The following PTGIS variants were observed in gnomAD, a reference collection of about 807,000 sequenced individuals.
The protein encoded by PTGIS is prostaglandin I2 synthase, also known as prostacyclin synthase.
In PTGIS, 45 loss-of-function variants were observed where a neutral mutation model predicts 50.3. That is an observed-to-expected ratio of 0.90 (90% CI 0.70 to 1.15). The LOEUF is 1.15. PTGIS is among the 50% of genes most tolerant of loss of function. The pLI is 0.00. For missense variants in PTGIS, 668 were observed against 661.3 expected (o/e 1.01, Z -0.11); for synonymous variants, 260 against 267.7 (o/e 0.97, Z 0.28).
chr20:49,550,034 C>T (rs1982464503), intron 2 of PTGIS, 32 bp downstream of exon 2: 1 of 1,613,884 alleles, frequency 6.2e-7, no homozygotes, highest in Admixed American at 1.7e-5. Context: ...GCTGCTCATC[C>T]CCATCCCTCC....
At chr20:49,518,492 C>A (rs1367199919) in intron 6 of PTGIS, among the ~76,000 whole-genome samples, 1 of 152,126 alleles carries the variant, frequency 6.6e-6, no homozygotes, top group Non-Finnish European at 1.5e-5. Context: ...AAAGTATAGA[C>A]TTTAGTTACT....
chr20:49,527,527 CAGAAAGTAGAAT>C (rs1189987654), intron 5 of PTGIS, among the ~76,000 whole-genome samples: 2 of 151,774 alleles, frequency 1.3e-5, no homozygotes, highest in Non-Finnish European at 2.9e-5. Flanking sequence ...TACTATTCGA[CAGAAAGTAGAAT>C]AGAAAGTAGA....
Position 49,548,735 on chromosome 20 carries a change from GAGGA to G in PTGIS, c.199-720_199-717del, listed in dbSNP as rs373808633. 3.5e-3 allele frequency among the ~76,000 whole-genome samples: 523 copies of G among 151,484 alleles called. 2 individuals carry two copies. The highest frequency in any genetic ancestry group is 0.011 in the African/African-American group (468 of 41,276). ...AATGGAAGGAAGGAAGGAAGGGAGGGAGGAAGGAAGGAAGGAAGGAAGGAAATTG... is the reference window on the plus strand; with the variant it reads ...AATGGAAGGAAGGAAGGAAGGGAGGGAGGAAGGAAGGAAGGAAGGAAATTG... On this transcript the variant is annotated intron_variant, in intron 2 of 9. Transcript: ENST00000244043.
At chr20:49,549,981 G>A in intron 2 of PTGIS, 85 bp downstream of exon 2, 1 of 1,605,600 alleles carries the variant, frequency 6.2e-7, no homozygotes, top group Middle Eastern at 1.7e-4. Flanking sequence ...TTGGCATAGG[G>A]ACATATGTTG....
At chr20:49,530,818 G>A (rs1359784026) in intron 5 of PTGIS, among the ~76,000 whole-genome samples, 1 of 152,152 alleles carries the variant, frequency 6.6e-6, no homozygotes, top group Non-Finnish European at 1.5e-5. Flanking sequence ...GGAGTGCAGT[G>A]GCGTGATCTC....
At chr20:49,564,617 T>TA (rs1170189344) in intron 1 of PTGIS, among the ~76,000 whole-genome samples, 2 of 152,216 alleles carry the variant, frequency 1.3e-5, no homozygotes, top group Non-Finnish European at 2.9e-5. Context: ...TGGGGCTTCT[T>TA]ACCGTATTCT....
intron 4 of PTGIS, among the ~76,000 whole-genome samples, chr20:49,541,721 G>A (rs1409651251): frequency 2.0e-5 from 3 of 152,056 alleles, no homozygotes; most frequent in African/African-American, 7.2e-5. Context: ...GCGAAAGAGC[G>A]AAACTTTGTC....
chr20:49,539,677 G>A lies in PTGIS; in HGVS notation c.566C>T (p.Thr189Ile). Residue 189 changes from threonine (T) to isoleucine (I), a missense_variant, in exon 5 of 10, where the codon ACC becomes ATC. Coordinates refer to ENST00000244043, the MANE Select transcript of PTGIS (RefSeq NM_000961.4). Reference sequence around the variant, plus strand: ...GCGGTCCTGGGCCTGGCTTTCATGGGTGCGTGGCAGCGCCTCAATTCCGTA... The same window carrying A: ...GCGGTCCTGGGCCTGGCTTTCATGGATGCGTGGCAGCGCCTCAATTCCGTA... The part of the protein sequence containing the change: ...TLYGIEALPR[T>I]HESQAQDRVH... 6.2e-7 allele frequency: 1 copy of A among 1,613,776 alleles called. No homozygotes were observed.
intron 5 of PTGIS, among the ~76,000 whole-genome samples, chr20:49,529,338 G>A (rs78064204): frequency 0.016 from 2,440 of 152,090 alleles, 54 homozygotes; most frequent in African/African-American, 0.05. Context: ...TAGCTCCCAC[G>A]TATAAATGAC....
intron 5 of PTGIS, among the ~76,000 whole-genome samples, chr20:49,536,454 T>TTTTCTTTCTTTCTTTCTTTC (rs1159152340): frequency 5.6e-5 from 8 of 142,282 alleles, no homozygotes; most frequent in African/African-American, 2.1e-4. Flanking sequence ...TCTTTTTTTC[T>TTTTCTTTCTTTCTTTCTTTC]TTTCTTTCTT....
intron 5 of PTGIS, among the ~76,000 whole-genome samples, chr20:49,537,864 G>C (rs1041988052): frequency 1.3e-5 from 2 of 152,140 alleles, no homozygotes; most frequent in Admixed American, 6.6e-5. Flanking sequence ...CTTCCTAACA[G>C]CTCCAAATGG....
At chr20:49,527,022 A>G (rs937392914) in intron 5 of PTGIS, among the ~76,000 whole-genome samples, 10 of 152,230 alleles carry the variant, frequency 6.6e-5, no homozygotes, top group Non-Finnish European at 1.2e-4. Flanking sequence ...CTCGTGCACC[A>G]ATGTTCATAG....
intron 1 of PTGIS, among the ~76,000 whole-genome samples, chr20:49,565,148 A>AT (rs60427465): frequency 4.8e-5 from 7 of 146,072 alleles, no homozygotes; most frequent in Middle Eastern, 6.4e-3. Flanking sequence ...TTTTTTTTGT[A>AT]TTTTTTTTTT....
At chr20:49,518,764 G>A (rs1981565377) in intron 6 of PTGIS, among the ~76,000 whole-genome samples, 1 of 152,144 alleles carries the variant, frequency 6.6e-6, no homozygotes, top group South Asian at 2.1e-4. Flanking sequence ...GCAGAGGTGA[G>A]ATTCCACCCG....
intron 4 of PTGIS, 118 bp downstream of exon 4, chr20:49,544,187 T>C: frequency 2.2e-6 from 3 of 1,350,372 alleles, no homozygotes; most frequent in Non-Finnish European, 3.1e-6. Flanking sequence ...TTGCTTTGGG[T>C]GTCTCAAATT....
chr20:49,510,244 G>A (rs1053592117), intron 9 of PTGIS, among the ~76,000 whole-genome samples: 41 of 152,032 alleles, frequency 2.7e-4, no homozygotes, highest in African/African-American at 9.7e-4. Context: ...GCTGTATTAT[G>A]TTCATAATTG....
At chr20:49,555,283 GA>G (rs1982601128) in intron 1 of PTGIS, among the ~76,000 whole-genome samples, 1 of 148,066 alleles carries the variant, frequency 6.8e-6, no homozygotes, top group African/African-American at 2.5e-5. Context: ...AAAAAAAAAA[GA>G]ATAAAGGTTT....
chr20:49,520,114 C>A (rs903845607), intron 6 of PTGIS, among the ~76,000 whole-genome samples: 1 of 152,218 alleles, frequency 6.6e-6, no homozygotes, highest in Non-Finnish European at 1.5e-5. Flanking sequence ...CCTACAGGGA[C>A]CTGTGTGGTC....
chr20:49,520,520 G>A (rs748955762), intron 6 of PTGIS, among the ~76,000 whole-genome samples: 19 of 152,028 alleles, frequency 1.2e-4, no homozygotes, highest in Non-Finnish European at 2.5e-4. Context: ...TTTTAGTAGA[G>A]TCAGGGTTTC....
Sources: gnomAD v4.1 joint callset for allele counts (sites outside exome capture counted in the v4.1 genomes callset) on GRCh38, gnomAD v4.1.1 for gene constraint, MANE v1.5 for transcripts, NCBI Gene and HGNC (gene_info 2026-07-23, HGNC 2026-07-21) for gene names.